Variants in DAW1 observed in about 807,000 individuals in gnomAD.
DAW1 encodes the protein dynein assembly factor with WD repeats 1, also known as dynein assembly factor with WD repeat domains 1.
In DAW1, 47 loss-of-function variants were observed where a neutral mutation model predicts 56.5. That is an observed-to-expected ratio of 0.83 (90% CI 0.66 to 1.06). The LOEUF (loss-of-function observed/expected upper bound fraction) is 1.06. Among genes scored for constraint, DAW1 ranks in the 50% least tolerant of loss-of-function variants. The pLI is 0.00. For missense variants in DAW1, 505 were observed against 499.3 expected (o/e 1.01, Z -0.11); for synonymous variants, 190 against 179.0 (o/e 1.06, Z -0.49).
chr2:227,922,316 A>C (rs890006483), intron 12 of DAW1, among the ~76,000 whole-genome samples: 7 of 152,228 alleles, frequency 4.6e-5, no homozygotes, highest in Admixed American at 3.9e-4. Context: ...AACATGTATT[A>C]ACCATTTTTC....
chr2:227,909,262 A>ATCTGTCTG (rs1182910941), intron 10 of DAW1, among the ~76,000 whole-genome samples: 11 of 139,690 alleles, frequency 7.9e-5, no homozygotes, highest in African/African-American at 2.9e-4. Context: ...CTATCTATCT[A>ATCTGTCTG]TCTATCTATC....
rs1473985175 is a variant in DAW1, at chr2:227,904,918, T to C, written c.649-11T>C. ...TGCAGGTATACTTGACAGTATCTGC[T>C]CTTTTTCTAGGGACATTCTGCCGAA... is the stretch of plus-strand genomic sequence containing the variant. On this transcript the variant is annotated splice_polypyrimidine_tract_variant and intron_variant, in intron 7 of 12. Transcript: ENST00000309931. The C allele has an allele frequency of 6.2e-7, 1 of 1,609,638 alleles. No individual in the cohort carries two copies. Among genetic ancestry groups the C allele is most frequent in the East Asian group, 2.2e-5 (1 of 44,770 alleles).
In DAW1 at chr2:227,890,639, G is replaced by A. The variant is rs139194468; in HGVS notation, c.259-616G>A. Among the ~76,000 whole-genome samples the A allele has an allele frequency of 1.8e-3, 272 of 152,200 alleles. 1 individual carries two copies. The highest frequency in any genetic ancestry group is 6.2e-3 in the African/African-American group (256 of 41,526). ...CCTGATACAAAATATCCAGGCATTCGTTTCTGGAAGAGGATGTTATAGTCT... is the reference window on the plus strand; with the variant it reads ...CCTGATACAAAATATCCAGGCATTCATTTCTGGAAGAGGATGTTATAGTCT... On this transcript the variant is annotated intron_variant, in intron 3 of 12. Coordinates refer to ENST00000309931, the MANE Select transcript of DAW1 (RefSeq NM_178821.3).
At position 227,923,959 on chromosome 2, in the gene DAW1, A is replaced by T. The variant is rs779311068; in HGVS notation, c.1239A>T (p.Ile413=). ...ITGSKDNTCR[I]WR is the part of the protein sequence containing the mutation. ...GCAGCAAGGATAATACCTGTAGGAT[A>T]TGGCGTTGACTGAAGGAAGCTGGTC... The change falls in exon 13 of 13, where the codon ATA becomes ATT. Residue 413 remains isoleucine, a synonymous_variant. Transcript: ENST00000309931. The T allele has an allele frequency of 6.2e-7, 1 of 1,614,090 alleles. No individual in the cohort carries two copies. Among genetic ancestry groups the T allele is most frequent in the Admixed American group, 1.7e-5 (1 of 60,020 alleles).
chr2:227,918,378 T>C (rs1040467697), intron 10 of DAW1, among the ~76,000 whole-genome samples: 3 of 152,228 alleles, frequency 2.0e-5, no homozygotes, highest in Non-Finnish European at 4.4e-5. Context: ...CTTCTTGGGA[T>C]GTTCCTTGTG....
chr2:227,909,791 T>G (rs933276526), intron 10 of DAW1, among the ~76,000 whole-genome samples: 1 of 152,144 alleles, frequency 6.6e-6, no homozygotes, highest in African/African-American at 2.4e-5. Flanking sequence ...CACCTTTTGT[T>G]GTATCTGGGT....
chr2:227,921,602 T>C (rs770574415), intron 12 of DAW1, 41 bp downstream of exon 12: 2 of 1,582,246 alleles, frequency 1.3e-6, no homozygotes, highest in South Asian at 2.3e-5. Context: ...TTTTTCTTGA[T>C]TGGCTGTTAG....
At chr2:227,896,630 G>GTC (rs1691415324) in intron 5 of DAW1, among the ~76,000 whole-genome samples, 1 of 135,560 alleles carries the variant, frequency 7.4e-6, no homozygotes, top group South Asian at 2.5e-4. Context: ...GTGTGTGTGT[G>GTC]TATGAGAGAG....
At chr2:227,917,317 G>T (rs1317413461) in intron 10 of DAW1, among the ~76,000 whole-genome samples, 1 of 150,806 alleles carries the variant, frequency 6.6e-6, no homozygotes, top group East Asian at 1.9e-4. Context: ...TGGGACTGCA[G>T]TGGCACTATC....
chr2:227,918,822 C>A lies in DAW1; in HGVS notation c.1016C>A (p.Ala339Asp). The part of the protein sequence containing the change: ...IFSAATRKCI[A>D]KLEGHEGEIS... ...AGTGCTGCCACAAGAAAATGCATTG[C>A]CAAACTGGAAGGTCATGAAGGTGAA... Residue 339 changes from alanine (A) to aspartate (D), a missense_variant, in exon 11 of 13, where the codon GCC becomes GAC. Ala to Asp is a moderately radical substitution (Grantham distance 126). Transcript: ENST00000309931. The A allele has an allele frequency of 6.2e-7, 1 of 1,614,040 alleles. No homozygotes were observed. Among genetic ancestry groups the A allele is most frequent in the Non-Finnish European group, 8.5e-7 (1 of 1,180,022 alleles).
At chr2:227,878,495 G>C (rs1311109366) in intron 1 of DAW1, among the ~76,000 whole-genome samples, 1 of 152,230 alleles carries the variant, frequency 6.6e-6, no homozygotes, top group Non-Finnish European at 1.5e-5. Context: ...GCTGAGGCAG[G>C]AGGATGGCTT....
At chr2:227,894,725 A>G (rs895208012) in intron 5 of DAW1, among the ~76,000 whole-genome samples, 1 of 152,212 alleles carries the variant, frequency 6.6e-6, no homozygotes. Flanking sequence ...CTAGATAATG[A>G]ACAGGAGATT....
At chr2:227,913,885 G>GTCTATCTATCTA (rs1559313580) in intron 10 of DAW1, among the ~76,000 whole-genome samples, 1 of 92,856 alleles carries the variant, frequency 1.1e-5, no homozygotes, top group Admixed American at 1.1e-4. Context: ...CTATCTATCT[G>GTCTATCTATCTA]TCTGTCTGTC....
chr2:227,896,589 AGGGAGT>A (rs1428594620), intron 5 of DAW1, among the ~76,000 whole-genome samples: 1 of 112,148 alleles, frequency 8.9e-6, no homozygotes, highest in Admixed American at 1.0e-4. Flanking sequence ...AAAGAATAAG[AGGGAGT>A]GTGTGTGTGT....
chr2:227,919,386 T>A (rs1025611931), intron 11 of DAW1, among the ~76,000 whole-genome samples: 1 of 152,082 alleles, frequency 6.6e-6, no homozygotes, highest in Admixed American at 6.6e-5. Context: ...TCTTAAAAAG[T>A]ATGGAACAGC....
intron 12 of DAW1, among the ~76,000 whole-genome samples, chr2:227,922,628 A>C (rs1048622327): frequency 6.6e-6 from 1 of 152,202 alleles, no homozygotes; most frequent in South Asian, 2.1e-4. Context: ...CATATTGGCC[A>C]ATTAGGTGGT....
chr2:227,892,046 G>A (rs1044892395), intron 4 of DAW1, among the ~76,000 whole-genome samples: 1 of 152,214 alleles, frequency 6.6e-6, no homozygotes, highest in East Asian at 1.9e-4. Flanking sequence ...GGTTTTCCCT[G>A]TGCATGTCTG....
intron 1 of DAW1, among the ~76,000 whole-genome samples, chr2:227,878,609 C>T (rs1690940963): frequency 6.6e-6 from 1 of 152,110 alleles, no homozygotes; most frequent in African/African-American, 2.4e-5. Flanking sequence ...ATAGTCCTAG[C>T]TACTCAAGAA....
intron 1 of DAW1, among the ~76,000 whole-genome samples, chr2:227,872,625 G>GT (rs1690783301): frequency 1.3e-5 from 2 of 152,112 alleles, no homozygotes; most frequent in Admixed American, 1.3e-4. Context: ...CACCCAGCCT[G>GT]TTTTTTGCCA....
Sources: allele counts gnomAD v4.1 joint callset (sites outside exome capture counted in the v4.1 genomes callset), GRCh38; gene constraint gnomAD v4.1.1; transcripts MANE v1.5; gene names NCBI Gene and HGNC (gene_info 2026-07-23, HGNC 2026-07-21).